ARSL: variants seen among roughly 807,000 people sequenced by gnomAD.
ARSL encodes arylsulfatase L.
A neutral mutation model predicts 31.1 loss-of-function variants in ARSL; 4 were observed. The ratio of observed to expected loss-of-function variants is 0.13; its 90% CI spans 0.06 to 0.29. The LOEUF is 0.29. Among genes scored for constraint, ARSL ranks in the 10% least tolerant of loss-of-function variants. The pLI is 1.00. For missense variants in ARSL, 312 were observed against 497.8 expected (o/e 0.63, Z 3.55); for synonymous variants, 198 against 209.9 (o/e 0.94, Z 0.49).
chrX:2,945,285 G>A (rs766851433), intron 7 of ARSL, among the ~76,000 whole-genome samples: 1 of 111,637 alleles, frequency 9.0e-6, no homozygotes, highest in Admixed American at 9.5e-5. Context: ...GGGAGGACAA[G>A]GGGGTTGGGT....
At chrX:2,941,180 A>G (rs1371875672) in intron 8 of ARSL, among the ~76,000 whole-genome samples, 2 of 107,566 alleles carry the variant, frequency 1.9e-5, no homozygotes, top group African/African-American at 3.4e-5. Flanking sequence ...GCATGTTACA[A>G]CCTCTTGTCT....
intron 7 of ARSL, among the ~76,000 whole-genome samples, chrX:2,944,308 G>A (rs1419275250): frequency 9.2e-6 from 1 of 109,118 alleles, no homozygotes; most frequent in Non-Finnish European, 1.9e-5. Flanking sequence ...ACAAAAATTA[G>A]CCAGGCATGG....
At chrX:2,940,318 T>G (rs1218188198) in intron 8 of ARSL, among the ~76,000 whole-genome samples, 1 of 111,294 alleles carries the variant, frequency 9.0e-6, no homozygotes, top group Non-Finnish European at 1.9e-5. Flanking sequence ...AAACTCCACA[T>G]ATTGCATGAT....
intron 5 of ARSL, chrX:2,952,778 A>T (rs1179583773): frequency 6.3e-6 from 1 of 159,264 alleles, no homozygotes; most frequent in East Asian, 1.7e-4. Flanking sequence ...AGCTTGGAAC[A>T]TATGCCATAG....
chrX:2,964,177 G>T, intron 1 of ARSL, 47 bp downstream of exon 1: 5 of 753,915 alleles, frequency 6.6e-6, no homozygotes, highest in Non-Finnish European at 7.8e-6. Flanking sequence ...ATTCATGCCT[G>T]GTCACGGAGC....
intron 7 of ARSL, among the ~76,000 whole-genome samples, chrX:2,944,536 T>A (rs1258413031): frequency 2.7e-5 from 3 of 110,080 alleles, no homozygotes; most frequent in African/African-American, 9.9e-5. Flanking sequence ...ATTAACTTTT[T>A]CTCCTTCCAT....
intron 8 of ARSL, 100 bp downstream of exon 8, chrX:2,942,965 G>GA (rs1457570274): frequency 3.7e-6 from 4 of 1,095,699 alleles, no homozygotes; most frequent in Middle Eastern, 5.9e-4. Context: ...CACTGTCCCT[G>GA]AGCAATAATA....
chrX:2,959,889 C>A, intron 2 of ARSL: 11 of 242,661 alleles, frequency 4.5e-5, no homozygotes, highest in East Asian at 6.3e-5. Flanking sequence ...GACCCTGTCT[C>A]TATATAAGAA....
In ARSL at chrX:2,960,035, C is replaced by T. The variant is rs747849895; in HGVS notation, c.23+343G>A. 0.018 allele frequency: 3,559 copies of T among 201,292 alleles called. 39 individuals carry two copies. Among genetic ancestry groups the T allele is most frequent in the Middle Eastern group, 0.033 (19 of 575 alleles). 16.6% of individuals were successfully genotyped at this position (201,292 alleles called of 1,213,427 possible). On this transcript the variant is annotated intron_variant, in intron 2 of 10. Coordinates refer to ENST00000381134, the MANE Select transcript of ARSL (RefSeq NM_000047.3). ...CTGTAATCCCAGCACTTTGGGAGGCCGAGGCGGGCGGATCACGAGGTCAGG... is the reference window on the plus strand; with the variant it reads ...CTGTAATCCCAGCACTTTGGGAGGCTGAGGCGGGCGGATCACGAGGTCAGG...
Position 2,946,505 on chromosome X carries a change from A to ATTTT in ARSL, c.855-375_855-372dup, listed in dbSNP as rs139364080. ...AGGCATGTGCTAACAGGCCCAGCTA[A>ATTTT]TTTTTTTTTTTTTTTTTTTTTTTTT... On this transcript the variant is annotated intron_variant, in intron 6 of 10. Coordinates refer to ENST00000381134, the MANE Select transcript of ARSL (RefSeq NM_000047.3). 4.0e-4 allele frequency among the ~76,000 whole-genome samples: 18 copies of ATTTT among 45,514 alleles called. 1 individual carries two copies. Among genetic ancestry groups the ATTTT allele is most frequent in the African/African-American group, 7.7e-4 (9 of 11,710 alleles). 39.5% of individuals were successfully genotyped at this position (45,514 alleles called of 115,157 possible). A position where few individuals can be genotyped will look rare whatever the true frequency, so the allele number is the denominator to read the frequency against.
At chrX:2,967,771 G>A (rs772888909), upstream of ARSL, among the ~76,000 whole-genome samples, 2 of 111,890 alleles carry the variant, frequency 1.8e-5, no homozygotes, top group East Asian at 5.7e-4. Context: ...CGGGCTGCGA[G>A]CCTGTGTTCA....
intron 3 of ARSL, among the ~76,000 whole-genome samples, chrX:2,956,002 C>T (rs2089519579): frequency 8.9e-6 from 1 of 112,295 alleles, no homozygotes; most frequent in Non-Finnish European, 1.9e-5. Flanking sequence ...CAACACTGCA[C>T]TTCAACCTGG....
chrX:2,944,046 G>C (rs1209238557), intron 7 of ARSL, among the ~76,000 whole-genome samples: 1 of 110,756 alleles, frequency 9.0e-6, no homozygotes, highest in Non-Finnish European at 1.9e-5. Context: ...GGGTGTGGTA[G>C]TGCACACCTG....
chrX:2,966,934 T>C (rs948182505), upstream of ARSL, among the ~76,000 whole-genome samples: 1 of 110,965 alleles, frequency 9.0e-6, no homozygotes, highest in Non-Finnish European at 1.9e-5. Context: ...CATGTATATA[T>C]ACATACATAT....
chrX:2,956,548 C>A (rs1172256723), intron 3 of ARSL, among the ~76,000 whole-genome samples: 1 of 111,294 alleles, frequency 9.0e-6, no homozygotes, highest in Non-Finnish European at 1.9e-5. Context: ...TACAACCTCC[C>A]CCTCCCGGGT....
intron 4 of ARSL, 105 bp from the exon 5 acceptor site, chrX:2,953,370 CTTAAAA>C (rs1241385043): frequency 2.1e-6 from 2 of 975,495 alleles, no homozygotes; most frequent in Admixed American, 5.6e-5. Flanking sequence ...ATCTCTCTTA[CTTAAAA>C]TTAAATTGAA....
In ARSL at chrX:2,946,322, CT is replaced by C. The variant is rs747661858; in HGVS notation, c.855-189del. On this transcript the variant is annotated intron_variant, in intron 6 of 10. Transcript: ENST00000381134. Reference sequence around the variant, plus strand: ...TTAATTCTTATATTTAACAATCTTCCTTTTTTTTTTTTTTTTTTTTTTTTGG... The same window carrying C: ...TTAATTCTTATATTTAACAATCTTCCTTTTTTTTTTTTTTTTTTTTTTTGG... 0.019 allele frequency among the ~76,000 whole-genome samples: 1,325 copies of C among 68,930 alleles called. 13 individuals are homozygous for C. The highest frequency in any genetic ancestry group is 0.058 in the African/African-American group (891 of 15,293). 59.9% of individuals were successfully genotyped at this position (68,930 alleles called of 115,157 possible). A position where few individuals can be genotyped will look rare whatever the true frequency, so the allele number is the denominator to read the frequency against.
chrX:2,943,432 T>C (rs993236801), intron 7 of ARSL, among the ~76,000 whole-genome samples: 44 of 110,673 alleles, frequency 4.0e-4, no homozygotes, highest in African/African-American at 1.4e-3. Flanking sequence ...AAGGACAAAA[T>C]ATCAAAAACT....
chrX:2,948,225 A>C (rs1382630899), intron 6 of ARSL, among the ~76,000 whole-genome samples: 2 of 112,306 alleles, frequency 1.8e-5, no homozygotes, highest in Non-Finnish European at 3.8e-5. Flanking sequence ...CTTTACTAGA[A>C]TGCCCTTGGG....
Sources: gnomAD v4.1 joint callset for allele counts (sites outside exome capture counted in the v4.1 genomes callset) on GRCh38, gnomAD v4.1.1 for gene constraint, MANE v1.5 for transcripts, NCBI Gene and HGNC (gene_info 2026-07-23, HGNC 2026-07-21) for gene names.